AKAP6: variants seen among roughly 807,000 people sequenced by gnomAD.
AKAP6 encodes A-kinase anchor protein 6.
AKAP6 carries 58 observed loss-of-function variants against 188.5 expected under a neutral mutation model. The observed-to-expected ratio is 0.31, with a 90% CI of 0.25 to 0.38. AKAP6 has a LOEUF of 0.38. Ranked by LOEUF, AKAP6 falls within the 10% of genes least tolerant of loss-of-function variation. The pLI, the probability that AKAP6 is intolerant of heterozygous loss-of-function variation, is 1.00. For synonymous variants in AKAP6, 989 were observed against 998.6 expected (o/e 0.99, Z 0.18); for missense variants, 2,710 against 2,740.0 (o/e 0.99, Z 0.24).
In AKAP6 at chr14:32,535,683, C is replaced by T. The variant is rs1882640732; in HGVS notation, c.454C>T (p.His152Tyr). The T allele has an allele frequency of 6.2e-7, 1 of 1,614,232 alleles. No individual in the cohort carries two copies. Among genetic ancestry groups the T allele is most frequent in the Non-Finnish European group, 8.5e-7 (1 of 1,180,022 alleles). The change falls in exon 3 of 14, where the codon CAC (histidine) becomes TAC (tyrosine). Residue 152 changes from histidine to tyrosine, a missense_variant. Coordinates refer to ENST00000280979, the MANE Select transcript of AKAP6 (RefSeq NM_004274.5). ...CATCCACGCAGTGCAGCTCCTCTGG[C>T]ACCAGCTTCGAGTCTCAGTGCTGGT... is the stretch of plus-strand genomic sequence containing the variant. ...VDIHAVQLLWHQLRVSVLVLR... is the reference protein window; with the variant it reads ...VDIHAVQLLWYQLRVSVLVLR...
In AKAP6 at chr14:32,632,281, G is replaced by A. The variant is rs141993977; in HGVS notation, c.2730+31489G>A. On this transcript the variant is annotated intron_variant, in intron 7 of 13. Transcript: ENST00000280979. ...AAAGTTTAGGAGCTCTTGCTGTATA[G>A]GGGGATCTTAACTGCTGGAATGATC... Among the ~76,000 whole-genome samples, 634 of 152,066 alleles carry A rather than the reference G, an allele frequency of 4.2e-3. 3 individuals carry two copies. Among genetic ancestry groups the A allele is most frequent in the African/African-American group, 0.015 (613 of 41,512 alleles).
chr14:32,780,120 C>T (rs561999773), intron 12 of AKAP6, among the ~76,000 whole-genome samples: 1 of 120,060 alleles, frequency 8.3e-6, no homozygotes, highest in Admixed American at 8.2e-5. Flanking sequence ...ACTGAAGTGT[C>T]CATTAGATGA....
chr14:32,613,751 A>G (rs1886444574), intron 7 of AKAP6, among the ~76,000 whole-genome samples: 1 of 151,974 alleles, frequency 6.6e-6, no homozygotes, highest in African/African-American at 2.4e-5. Context: ...CACACTGACC[A>G]CTTTTTTGAT....
At chr14:32,772,711 A>G (rs2032936715) in intron 11 of AKAP6, among the ~76,000 whole-genome samples, 2 of 152,234 alleles carry the variant, frequency 1.3e-5, no homozygotes, top group Non-Finnish European at 2.9e-5. Flanking sequence ...TTCAGGCATT[A>G]AAACTCTCAC....
At chr14:32,467,531 C>A (rs188527377) in intron 2 of AKAP6, among the ~76,000 whole-genome samples, 28 of 152,194 alleles carry the variant, frequency 1.8e-4, no homozygotes, top group African/African-American at 6.0e-4. Context: ...CTCTCTTGGA[C>A]AAGAAACAGA....
rs776142584 is a variant in AKAP6 at position 32,466,827 on chromosome 14, T to TTATATATATA, written c.324+33020_324+33029dup. ...CAAAATATAAGCTGTAAAAACAAGA[T>TTATATATATA]TATATATATATATATATATTTTCTT... On this transcript the variant is annotated intron_variant, in intron 2 of 13. Transcript: ENST00000280979. 1.2e-3 allele frequency among the ~76,000 whole-genome samples: 136 copies of TTATATATATA among 115,090 alleles called. 6 individuals carry two copies. The highest frequency in any genetic ancestry group is 5.3e-3 in the African/African-American group (108 of 20,188). The allele number at this position is 115,090 out of a possible 152,430, so 75.5% of individuals were successfully genotyped here. A position where few individuals can be genotyped will look rare whatever the true frequency, so the allele number is the denominator to read the frequency against.
At chr14:32,789,505 G>A (rs1289235743) in intron 12 of AKAP6, among the ~76,000 whole-genome samples, 1 of 152,180 alleles carries the variant, frequency 6.6e-6, no homozygotes, top group Non-Finnish European at 1.5e-5. Flanking sequence ...TACTGGAACG[G>A]AGCTTCCAGA....
intron 9 of AKAP6, among the ~76,000 whole-genome samples, chr14:32,714,154 G>A (rs2030051235): frequency 6.6e-6 from 1 of 151,966 alleles, no homozygotes; most frequent in Admixed American, 6.6e-5. Context: ...AGCACTTACG[G>A]ATTAAGTTCA....
At chr14:32,750,600 G>A (rs1357958058) in intron 11 of AKAP6, among the ~76,000 whole-genome samples, 3 of 151,888 alleles carry the variant, frequency 2.0e-5, no homozygotes, top group Non-Finnish European at 4.4e-5. Context: ...GTGTGGTGGT[G>A]GGTGCCTGTA....
chr14:32,686,451 A>G (rs1889929776), intron 8 of AKAP6, among the ~76,000 whole-genome samples: 1 of 152,128 alleles, frequency 6.6e-6, no homozygotes, highest in South Asian at 2.1e-4. Flanking sequence ...GTATAATTGG[A>G]TTGTTTGTAA....
rs1490918361 is a variant in AKAP6, at chr14:32,521,686, G to A, written c.325-13868G>A. ...CAAACCACTGCTCAATGAAATAAAA[G>A]AAGACACAAACAAATGGAAGAACAT... On this transcript the variant is annotated intron_variant, in intron 2 of 13. Transcript: ENST00000280979. 4.6e-5 allele frequency among the ~76,000 whole-genome samples: 7 copies of A among 152,178 alleles called. No individual in the cohort carries two copies. In the East Asian group the frequency reaches 1.3e-3, roughly 29 times the overall value.
At chr14:32,428,268 C>G (rs1890099423) in intron 1 of AKAP6, among the ~76,000 whole-genome samples, 1 of 152,096 alleles carries the variant, frequency 6.6e-6, no homozygotes, top group African/African-American at 2.4e-5. Context: ...CAACTGTCTC[C>G]TTTTTCTCGG....
chr14:32,670,638 G>A (rs894933554), intron 7 of AKAP6, among the ~76,000 whole-genome samples: 1 of 152,110 alleles, frequency 6.6e-6, no homozygotes, highest in Non-Finnish European at 1.5e-5. Flanking sequence ...TCTTGAGCTA[G>A]TGTGGACTCT....
chr14:32,446,604 GTT>G (rs11326213), intron 2 of AKAP6, among the ~76,000 whole-genome samples: 2 of 148,924 alleles, frequency 1.3e-5, no homozygotes, highest in African/African-American at 2.4e-5. Context: ...GTAGACATCT[GTT>G]TTTTTTTTTA....
At chr14:32,360,855 C>T (rs561124695) in intron 1 of AKAP6, among the ~76,000 whole-genome samples, 1 of 150,960 alleles carries the variant, frequency 6.6e-6, no homozygotes, top group South Asian at 2.1e-4. Context: ...GTGTTCCTCC[C>T]ACCTCAGCCT....
At chr14:32,508,970 G>C (rs547643243) in intron 2 of AKAP6, among the ~76,000 whole-genome samples, 1 of 151,024 alleles carries the variant, frequency 6.6e-6, no homozygotes, top group South Asian at 2.1e-4. Flanking sequence ...GACTATAGGC[G>C]TGCACCACCA....
chr14:32,600,506 A>C, intron 6 of AKAP6, 123 bp from the exon 7 acceptor site: 1 of 1,081,748 alleles, frequency 9.2e-7, no homozygotes, highest in Non-Finnish European at 1.3e-6. Context: ...ATGGCAGGTG[A>C]TGGTAATGGT....
chr14:32,350,229 A>G (rs1218908561), intron 1 of AKAP6, among the ~76,000 whole-genome samples: 1 of 152,198 alleles, frequency 6.6e-6, no homozygotes, highest in African/African-American at 2.4e-5. Context: ...ACCCTAACCA[A>G]GTGATGAAGG....
At chr14:32,697,797 C>T (rs1254082254) in intron 9 of AKAP6, among the ~76,000 whole-genome samples, 1 of 152,048 alleles carries the variant, frequency 6.6e-6, no homozygotes, top group African/African-American at 2.4e-5. Context: ...AACAAAAATG[C>T]AGTCTTCTTT....
Sources: allele counts gnomAD v4.1 joint callset (sites outside exome capture counted in the v4.1 genomes callset), GRCh38; gene constraint gnomAD v4.1.1; transcripts MANE v1.5; gene names NCBI Gene and HGNC (gene_info 2026-07-23, HGNC 2026-07-21).